Variants in CNTLN observed in about 807,000 individuals in gnomAD.
The protein encoded by CNTLN is centlein.
Under a neutral mutation model 180.0 loss-of-function variants are expected in CNTLN, and 212 were observed. That is an observed-to-expected ratio of 1.18 (90% CI 1.05 to 1.32). The LOEUF is 1.32. CNTLN is among the 40% of genes most tolerant of loss of function. CNTLN has a pLI of 0.00. For missense variants in CNTLN, 2,095 were observed against 1,610.9 expected (o/e 1.30, Z -5.14); for synonymous variants, 722 against 563.1 (o/e 1.28, Z -3.99).
intron 23 of CNTLN, among the ~76,000 whole-genome samples, chr9:17,481,740 C>G (rs1411842719): frequency 6.6e-6 from 1 of 152,202 alleles, no homozygotes; most frequent in Non-Finnish European, 1.5e-5. Context: ...TGAGCATAGC[C>G]TGTGATCCTG....
intron 6 of CNTLN, among the ~76,000 whole-genome samples, chr9:17,285,406 G>A (rs955468534): frequency 1.2e-4 from 18 of 148,740 alleles, no homozygotes; most frequent in Admixed American, 1.0e-3. Flanking sequence ...GTCTATCATT[G>A]TTGGACATTT....
Position 17,277,073 on chromosome 9 carries a change from GCTACTGTTTCTGT to G in CNTLN, c.983+3208_983+3220del, listed in dbSNP as rs1828360600. Among the ~76,000 whole-genome samples the G allele has an allele frequency of 7.9e-5, 6 of 75,528 alleles. 1 individual carries two copies. Among genetic ancestry groups the G allele is most frequent in the African/African-American group, 1.1e-4 (2 of 18,386 alleles). 49.5% of individuals were successfully genotyped at this position (75,528 alleles called of 152,430 possible). ...ACTTTTACCTGATGGTAATGATGGAGCTACTGTTTCTGTATGGATTTCCTTCTTTGAAGTTCAT... is the reference window on the plus strand; with the variant it reads ...ACTTTTACCTGATGGTAATGATGGAGATGGATTTCCTTCTTTGAAGTTCAT... On this transcript the variant is annotated intron_variant, in intron 6 of 25. Transcript: ENST00000380647.
At chr9:17,497,004 GGTAAA>G (rs1833490216) in intron 25 of CNTLN, among the ~76,000 whole-genome samples, 1 of 152,186 alleles carries the variant, frequency 6.6e-6, no homozygotes, top group African/African-American at 2.4e-5. Context: ...GAGAAGGTGG[GGTAAA>G]GTAATGTGTC....
chr9:17,220,853 G>T (rs1435240731), intron 2 of CNTLN, among the ~76,000 whole-genome samples: 1 of 152,066 alleles, frequency 6.6e-6, no homozygotes, highest in Non-Finnish European at 1.5e-5. Flanking sequence ...TCATTGATGG[G>T]CATTTATGTT....
the CNTLN span, among the ~76,000 whole-genome samples, chr9:17,528,414 A>G: frequency 6.6e-6 from 1 of 152,210 alleles, no homozygotes; most frequent in African/African-American, 2.4e-5. Context: ...ACATTAGACA[A>G]ACGCCAGTGA....
At chr9:17,438,902 G>A (rs1435092340) in intron 18 of CNTLN, among the ~76,000 whole-genome samples, 1 of 152,152 alleles carries the variant, frequency 6.6e-6, no homozygotes, top group African/African-American at 2.4e-5. Context: ...GACCAGAAAG[G>A]AGAGCCAGTG....
chr9:17,240,370 G>T (rs1336694768), intron 5 of CNTLN, among the ~76,000 whole-genome samples: 1 of 151,546 alleles, frequency 6.6e-6, no homozygotes, highest in Non-Finnish European at 1.5e-5. Flanking sequence ...AATTCCTTAA[G>T]ACTTTCTACG....
At chr9:17,200,525 G>A (rs958237116) in intron 2 of CNTLN, among the ~76,000 whole-genome samples, 1 of 152,092 alleles carries the variant, frequency 6.6e-6, no homozygotes, top group Admixed American at 6.5e-5. Context: ...GCAGTGGTTT[G>A]TAGTTGTCCT....
At chr9:17,296,860 TAAG>T (rs1817981676) in intron 6 of CNTLN, among the ~76,000 whole-genome samples, 1 of 152,234 alleles carries the variant, frequency 6.6e-6, no homozygotes, top group African/African-American at 2.4e-5. Context: ...TCTAAATCTC[TAAG>T]GAGCGGAACT....
rs1485929849 is a variant in CNTLN at position 17,261,782 on chromosome 9, C to T, written c.850-11951C>T. Among the ~76,000 whole-genome samples the T allele has an allele frequency of 2.0e-5, 3 of 151,438 alleles. No individual in the cohort carries two copies. The East Asian group carries it at 5.8e-4, about 29-fold the overall frequency. On this transcript the variant is annotated intron_variant, in intron 5 of 25. Transcript: ENST00000380647. ...TCTGCACAGCAGAAGAAACTAGCAT[C>T]AGAGTGAACAGTCAACCTACAGAAT...
chr9:17,222,006 T>A (rs189330641), intron 2 of CNTLN, among the ~76,000 whole-genome samples: 1 of 152,180 alleles, frequency 6.6e-6, no homozygotes, highest in African/African-American at 2.4e-5. Flanking sequence ...CCTCAAGGAT[T>A]CAAAGATGTT....
At chr9:17,285,574 C>T (rs62558327) in intron 6 of CNTLN, among the ~76,000 whole-genome samples, 18,744 of 125,648 alleles carry the variant, frequency 0.15, 2,498 homozygotes, top group Non-Finnish European at 0.22. Context: ...CCTGAGGAAT[C>T]GCCACACTGA....
intron 2 of CNTLN, chr9:17,166,766 A>G (rs1036636929): frequency 2.7e-5 from 8 of 293,414 alleles, no homozygotes; most frequent in African/African-American, 1.2e-4. Flanking sequence ...AAGTAATAAT[A>G]AAGACGTTTT....
chr9:17,418,841 T>C (rs1457040462), intron 18 of CNTLN, among the ~76,000 whole-genome samples: 1 of 152,038 alleles, frequency 6.6e-6, no homozygotes, highest in African/African-American at 2.4e-5. Flanking sequence ...CAGGAAAACT[T>C]TTCAAAGACT....
chr9:17,314,689 A>G (rs181519266), intron 8 of CNTLN, among the ~76,000 whole-genome samples: 31 of 152,352 alleles, frequency 2.0e-4, no homozygotes, highest in Admixed American at 2.0e-3. Flanking sequence ...AATTCATCAG[A>G]ATGGGTAACT....
At chr9:17,463,937 T>TAGC (rs5896744) in intron 20 of CNTLN, among the ~76,000 whole-genome samples, 1 of 150,872 alleles carries the variant, frequency 6.6e-6, no homozygotes, top group African/African-American at 2.4e-5. Flanking sequence ...GTTTTAGTAG[T>TAGC]AGCAGCAGCA....
intron 5 of CNTLN, among the ~76,000 whole-genome samples, chr9:17,272,114 C>G (rs988139100): frequency 2.7e-5 from 4 of 149,190 alleles, no homozygotes; most frequent in Admixed American, 6.7e-5. Flanking sequence ...CCCTCCCTCC[C>G]TTCCTTCCTT....
chr9:17,200,573 T>C (rs1822452713), intron 2 of CNTLN, among the ~76,000 whole-genome samples: 1 of 152,166 alleles, frequency 6.6e-6, no homozygotes. Context: ...CATGTATTCC[T>C]AGGTATTTTA....
At chr9:17,277,517 C>T (rs145755020) in intron 6 of CNTLN, among the ~76,000 whole-genome samples, 24 of 151,888 alleles carry the variant, frequency 1.6e-4, no homozygotes, top group African/African-American at 5.8e-4. Context: ...TAGGGTCTAG[C>T]ACATAGTCAG....
Sources: allele counts gnomAD v4.1 joint callset (sites outside exome capture counted in the v4.1 genomes callset), GRCh38; gene constraint gnomAD v4.1.1; transcripts MANE v1.5; gene names NCBI Gene and HGNC (gene_info 2026-07-23, HGNC 2026-07-21).